Variants in OPCML observed in about 807,000 individuals in gnomAD.
The protein encoded by OPCML is opioid-binding protein/cell adhesion molecule.
OPCML carries 13 observed loss-of-function variants against 37.8 expected under a neutral mutation model. That is an observed-to-expected ratio of 0.34 (90% CI 0.22 to 0.55). OPCML has a LOEUF of 0.55. Ranked by LOEUF, OPCML falls within the 20% of genes least tolerant of loss-of-function variation. OPCML has a pLI of 0.91. For synonymous variants in OPCML, 176 were observed against 168.8 expected, an observed-to-expected ratio of 1.04 and a Z score of -0.33; for missense variants, 341 against 435.6, an observed-to-expected ratio of 0.78 and a Z score of 1.93.
At chr11:133,018,999 C>T (rs940211564) in intron 1 of OPCML, among the ~76,000 whole-genome samples, 1 of 152,212 alleles carries the variant, frequency 6.6e-6, no homozygotes. Flanking sequence ...CCTGTGCTCA[C>T]CTACAATCCT....
intron 1 of OPCML, among the ~76,000 whole-genome samples, chr11:133,394,517 A>G (rs1047815332): frequency 2.6e-5 from 4 of 152,102 alleles, no homozygotes; most frequent in South Asian, 2.1e-4. Flanking sequence ...CTTTCCAACT[A>G]TTTTGTAACA....
At chr11:132,980,589 G>A (rs1421993552) in intron 1 of OPCML, among the ~76,000 whole-genome samples, 1 of 152,168 alleles carries the variant, frequency 6.6e-6, no homozygotes, top group East Asian at 1.9e-4. Flanking sequence ...CACTTGAAGT[G>A]CCTTTAGCAA....
At chr11:133,057,096 G>A (rs1948254792) in intron 1 of OPCML, among the ~76,000 whole-genome samples, 1 of 152,194 alleles carries the variant, frequency 6.6e-6, no homozygotes, top group Admixed American at 6.5e-5. Flanking sequence ...CACCCGCCTT[G>A]GCCTCCAAAG....
At chr11:133,136,429 G>A (rs1004352751) in intron 1 of OPCML, among the ~76,000 whole-genome samples, 1 of 152,154 alleles carries the variant, frequency 6.6e-6, no homozygotes, top group African/African-American at 2.4e-5. Flanking sequence ...GAGACAGACT[G>A]GGATCAAGGC....
chr11:132,524,020 A>C (rs2096301360), intron 4 of OPCML, among the ~76,000 whole-genome samples: 1 of 152,296 alleles, frequency 6.6e-6, no homozygotes, highest in South Asian at 2.1e-4. Flanking sequence ...CCAAACATCT[A>C]GCCTTTCCAA....
intron 2 of OPCML, among the ~76,000 whole-genome samples, chr11:132,910,090 T>C (rs536467091): frequency 1.2e-3 from 189 of 152,258 alleles, no homozygotes; most frequent in Middle Eastern, 6.8e-3. Flanking sequence ...TAGAAACCTT[T>C]CCTGCATGTG....
chr11:132,777,708 A>G (rs1224214400), intron 2 of OPCML, among the ~76,000 whole-genome samples: 1 of 152,124 alleles, frequency 6.6e-6, no homozygotes, highest in Non-Finnish European at 1.5e-5. Context: ...AAAGGAGAGG[A>G]AAGAGTGGAG....
chr11:132,474,735 C>A (rs771682713), intron 4 of OPCML, among the ~76,000 whole-genome samples: 1 of 152,182 alleles, frequency 6.6e-6, no homozygotes, highest in Non-Finnish European at 1.5e-5. Context: ...CTCCTGTCCT[C>A]ACCAGGGTGG....
intron 1 of OPCML, among the ~76,000 whole-genome samples, chr11:133,413,546 G>C (rs191194193): frequency 2.1e-3 from 315 of 152,032 alleles, no homozygotes; most frequent in African/African-American, 7.0e-3. Context: ...CAGGATTTAA[G>C]TCACAATTTA....
chr11:133,394,562 T>C (rs984495853), intron 1 of OPCML, among the ~76,000 whole-genome samples: 1 of 152,210 alleles, frequency 6.6e-6, no homozygotes, highest in Non-Finnish European at 1.5e-5. Context: ...ATCTCCCCAC[T>C]ACCCTTCCCA....
chr11:132,748,508 A>G (rs1945720967), intron 2 of OPCML, among the ~76,000 whole-genome samples: 1 of 152,192 alleles, frequency 6.6e-6, no homozygotes, highest in Non-Finnish European at 1.5e-5. Context: ...AAGAAAAGTA[A>G]CGTAGGAAAA....
At chr11:132,615,841 C>A in intron 3 of OPCML, among the ~76,000 whole-genome samples, 1 of 151,990 alleles carries the variant, frequency 6.6e-6, no homozygotes, top group Admixed American at 6.6e-5. Flanking sequence ...GAAGAAGAAT[C>A]ATAGGCAAAG....
In OPCML at chr11:132,549,731, G is replaced by A. The variant is rs530366082; in HGVS notation, c.380-20545C>T. ...TACTGTAAGAAGCAGACAAGATGGC[G>A]CCAATTAACTGGAAAACCTATTTGC... On this transcript the variant is annotated intron_variant, in intron 3 of 7. Coordinates refer to ENST00000524381, the MANE Select transcript of OPCML (RefSeq NM_001012393.5). 8.5e-5 allele frequency among the ~76,000 whole-genome samples: 13 copies of A among 152,274 alleles called. No homozygotes were observed. The East Asian group carries it at 9.7e-4, about 11-fold the overall frequency.
intron 1 of OPCML, among the ~76,000 whole-genome samples, chr11:133,279,794 A>G (rs1690532873): frequency 6.6e-6 from 1 of 152,226 alleles, no homozygotes; most frequent in Non-Finnish European, 1.5e-5. Flanking sequence ...GAAATAAAAA[A>G]AACTCTACCC....
intron 4 of OPCML, among the ~76,000 whole-genome samples, chr11:132,509,865 TG>T (rs2096265158): frequency 6.6e-6 from 1 of 152,138 alleles, no homozygotes; most frequent in Non-Finnish European, 1.5e-5. Flanking sequence ...GAGTCCCTAC[TG>T]GGGCACTGCC....
intron 7 of OPCML, among the ~76,000 whole-genome samples, chr11:132,424,532 T>C (rs2095971556): frequency 6.6e-6 from 1 of 152,096 alleles, no homozygotes; most frequent in Admixed American, 6.5e-5. Flanking sequence ...CCTGGAAGCA[T>C]AACTGAGAAA....
chr11:133,223,259 T>C (rs539457265), intron 1 of OPCML, among the ~76,000 whole-genome samples: 1 of 152,286 alleles, frequency 6.6e-6, no homozygotes, highest in African/African-American at 2.4e-5. Context: ...GGAGTCTGCT[T>C]TGCACAGAAA....
At chr11:133,090,988 G>A (rs527864634) in intron 1 of OPCML, among the ~76,000 whole-genome samples, 1 of 152,304 alleles carries the variant, frequency 6.6e-6, no homozygotes, top group South Asian at 2.1e-4. Context: ...AGAGTGCTAA[G>A]GCCTTGAGGG....
chr11:132,488,016 G>A (rs557626631), intron 4 of OPCML, among the ~76,000 whole-genome samples: 1 of 152,186 alleles, frequency 6.6e-6, no homozygotes, highest in South Asian at 2.1e-4. Flanking sequence ...GTTGGCTCCA[G>A]CCTACCTTTG....
Sources: allele counts gnomAD v4.1 joint callset (sites outside exome capture counted in the v4.1 genomes callset), GRCh38; gene constraint gnomAD v4.1.1; transcripts MANE v1.5; gene names NCBI Gene and HGNC (gene_info 2026-07-23, HGNC 2026-07-21).